RNPEP: variants seen among roughly 807,000 people sequenced by gnomAD.
RNPEP encodes aminopeptidase B.
RNPEP carries 57 observed loss-of-function variants against 70.1 expected under a neutral mutation model. The observed-to-expected ratio is 0.81, with a 90% confidence interval of 0.66 to 1.01. RNPEP has a LOEUF of 1.01. Among genes scored for constraint, RNPEP ranks in the 50% least tolerant of loss-of-function variants. The pLI is 0.00. For missense variants in RNPEP, 787 were observed against 852.4 expected, an observed-to-expected ratio of 0.92 and a Z score of 0.96; for synonymous variants, 335 against 357.4, an observed-to-expected ratio of 0.94 and a Z score of 0.71.
intron 1 of RNPEP, among the ~76,000 whole-genome samples, chr1:201,985,572 T>G (rs1335217297): frequency 2.6e-5 from 4 of 152,138 alleles, no homozygotes; most frequent in Non-Finnish European, 5.9e-5. Flanking sequence ...GAGCAGCCAG[T>G]TCAGAGAGTT....
chr1:201,997,273 C>T, intron 4 of RNPEP, 46 bp from the exon 5 acceptor site: 1 of 1,483,852 alleles, frequency 6.7e-7, no homozygotes, highest in East Asian at 2.3e-5. Context: ...GTAGGGTCTG[C>T]TCCGGGAAGC....
chr1:201,999,055 A>G (rs777459359), intron 5 of RNPEP, among the ~76,000 whole-genome samples: 8 of 152,110 alleles, frequency 5.3e-5, no homozygotes, highest in Non-Finnish European at 1.2e-4. Flanking sequence ...CGTCTCTACT[A>G]AAAATACAAA....
intron 5 of RNPEP, among the ~76,000 whole-genome samples, chr1:201,999,147 G>A (rs1024164693): frequency 6.6e-6 from 1 of 151,988 alleles, no homozygotes; most frequent in Non-Finnish European, 1.5e-5. Context: ...AATCCAGGAG[G>A]TGGAGGATGC....
intron 1 of RNPEP, chr1:201,983,554 T>A (rs1178513720): frequency 7.6e-7 from 1 of 1,310,122 alleles, no homozygotes; most frequent in East Asian, 5.4e-5. Flanking sequence ...TGCTTTATGG[T>A]GGCTCTAGAA....
At chr1:202,002,765 C>G (rs956334976) in intron 8 of RNPEP, among the ~76,000 whole-genome samples, 3 of 152,194 alleles carry the variant, frequency 2.0e-5, no homozygotes, top group Non-Finnish European at 4.4e-5. Flanking sequence ...TTTATTTGCT[C>G]ATGTAATCCT....
chr1:201,996,465 TTGTGTGTGTGTGTG>T (rs71281164), intron 4 of RNPEP: 343 of 233,090 alleles, frequency 1.5e-3, no homozygotes, highest in African/African-American at 7.0e-3. Context: ...ATGAGGTTCT[TTGTGTGTGTGTGTG>T]TGTGTGTGTG....
In RNPEP at chr1:202,004,351, C is replaced by T. The variant is rs1175357482; in HGVS notation, c.1652-3C>T. On this transcript the variant is annotated splice_polypyrimidine_tract_variant and splice_region_variant and intron_variant, in intron 9 of 10. Coordinates refer to ENST00000295640, the MANE Select transcript of RNPEP (RefSeq NM_020216.4). ...CCACAAACCATTTCTTTCTCTTCTC[C>T]AGGGAATGTGAAAAAACTTGGAGAC... 24 of 1,613,968 alleles carry T rather than the reference C, an allele frequency of 1.5e-5. No homozygotes were observed. Among genetic ancestry groups the T allele is most frequent in the Non-Finnish European group, 1.9e-5 (23 of 1,180,018 alleles).
At chr1:201,993,040 A>C (rs1189220792) in intron 3 of RNPEP, among the ~76,000 whole-genome samples, 3 of 152,184 alleles carry the variant, frequency 2.0e-5, no homozygotes, top group Non-Finnish European at 4.4e-5. Context: ...ATTTAAGCAG[A>C]AGGTCTTGTC....
chr1:201,983,762 A>AT, intron 1 of RNPEP: 15 of 1,101,358 alleles, frequency 1.4e-5, no homozygotes, highest in East Asian at 8.0e-5. Flanking sequence ...TAACTCTTTA[A>AT]TTTTTTTTCG....
intron 8 of RNPEP, among the ~76,000 whole-genome samples, chr1:202,002,000 GACA>G (rs1479634076): frequency 6.6e-6 from 1 of 151,976 alleles, no homozygotes; most frequent in African/African-American, 2.4e-5. Flanking sequence ...CTCTCACCTG[GACA>G]CACAGTCAGA....
rs1279420006 is a variant in RNPEP, at chr1:202,005,948, C to T, written c.*232C>T. ...AACCTGCCCACAGCTCTCCCCGCTA[C>T]AGGCTGCAGGCACTGCAGGGCAGCG... On this transcript the variant is annotated 3_prime_UTR_variant, in exon 11 of 11. Transcript: ENST00000295640. The T allele has an allele frequency of 7.4e-6, 4 of 537,020 alleles. No individual in the cohort carries two copies. The highest frequency in any genetic ancestry group is 6.6e-6 in the Non-Finnish European group (2 of 301,088). 33.3% of individuals were successfully genotyped at this position (537,020 alleles called of 1,614,324 possible).
chr1:201,996,487 G>GTGTGTGTA (rs1228866011), intron 4 of RNPEP: 5 of 396,950 alleles, frequency 1.3e-5, no homozygotes, highest in South Asian at 2.7e-5. Flanking sequence ...GTGTGTGTGT[G>GTGTGTGTA]TGTGTGTGTG....
At position 202,006,021 on chromosome 1, in the gene RNPEP, G is replaced by A; in HGVS notation, c.*305G>A. ...TCTCTGGGAAGAAGTGGAGAGGACT[G>A]ATGCTCTTCTTTTTTCTCTTTCTGT... On this transcript the variant is annotated 3_prime_UTR_variant, in exon 11 of 11. Coordinates refer to ENST00000295640, the MANE Select transcript of RNPEP (RefSeq NM_020216.4). The A allele has an allele frequency of 3.1e-6, 1 of 319,794 alleles. No homozygotes were observed. Among genetic ancestry groups the A allele is most frequent in the Non-Finnish European group, 5.8e-6 (1 of 173,664 alleles). The allele number at this position is 319,794 out of a possible 1,614,324, so 19.8% of individuals were successfully genotyped here. A position where few individuals can be genotyped will look rare whatever the true frequency, so the allele number is the denominator to read the frequency against.
chr1:201,999,872 T>G, intron 5 of RNPEP, 30 bp from the exon 6 acceptor site: 1 of 1,575,982 alleles, frequency 6.3e-7, no homozygotes, highest in East Asian at 2.3e-5. Context: ...ACAGACGTTT[T>G]CCCGAGGCTT....
chr1:201,987,408 G>A (rs1043997992), intron 1 of RNPEP, among the ~76,000 whole-genome samples: 1 of 149,112 alleles, frequency 6.7e-6, no homozygotes, highest in African/African-American at 2.5e-5. Flanking sequence ...TGGGTTTTGT[G>A]ATAAATCATT....
chr1:202,001,865 T>G, intron 8 of RNPEP, 98 bp downstream of exon 8: 1 of 820,276 alleles, frequency 1.2e-6, no homozygotes, highest in Non-Finnish European at 2.0e-6. Context: ...AAACACTGGG[T>G]CAGAGTCAGC....
At chr1:201,989,351 G>C in intron 2 of RNPEP, 32 bp from the exon 3 acceptor site, 1 of 1,608,262 alleles carries the variant, frequency 6.2e-7, no homozygotes, top group Non-Finnish European at 8.5e-7. Flanking sequence ...ACTCTCTCCA[G>C]GTAAAATCTC....
chr1:202,005,718 G>A lies in RNPEP; in HGVS notation c.*2G>A. On this transcript the variant is annotated 3_prime_UTR_variant, in exon 11 of 11. Coordinates refer to ENST00000295640, the MANE Select transcript of RNPEP (RefSeq NM_020216.4). The stretch of plus-strand genomic sequence containing the variant: ...ATCGTGGCACCCAAGGGCAGTTAGA[G>A]GCTCGTGTGCATGGCCCCTGCCTCT... 6.2e-7 allele frequency: 1 copy of A among 1,614,096 alleles called. No individual in the cohort carries two copies. Among genetic ancestry groups the A allele is most frequent in the African/African-American group, 1.3e-5 (1 of 75,064 alleles).
chr1:202,000,793 C>G (rs1683763409), intron 6 of RNPEP, among the ~76,000 whole-genome samples: 1 of 151,544 alleles, frequency 6.6e-6, no homozygotes, highest in Non-Finnish European at 1.5e-5. Context: ...ACTGGGGAGG[C>G]TGAGGCAGGA....
Sources: gnomAD v4.1 joint callset for allele counts (sites outside exome capture counted in the v4.1 genomes callset) on GRCh38, gnomAD v4.1.1 for gene constraint, MANE v1.5 for transcripts, NCBI Gene and HGNC (gene_info 2026-07-23, HGNC 2026-07-21) for gene names.